DLGAP1: variants seen among roughly 807,000 people sequenced by gnomAD.
DLGAP1 encodes DLG associated protein 1.
A neutral mutation model predicts 90.8 loss-of-function variants in DLGAP1; 11 were observed. The observed-to-expected ratio is 0.12, with a 90% CI of 0.08 to 0.20. The LOEUF is 0.20. Ranked by LOEUF, DLGAP1 falls within the 10% of genes least tolerant of loss-of-function variation. The pLI, the probability that DLGAP1 is intolerant of heterozygous loss-of-function variation, is 1.00. For missense variants in DLGAP1, 1,050 were observed against 1,333.8 expected (o/e 0.79, Z 3.31); for synonymous variants, 558 against 540.7 (o/e 1.03, Z -0.44).
At chr18:4,034,910 T>C (rs367773794) in intron 2 of DLGAP1, among the ~76,000 whole-genome samples, 15 of 145,752 alleles carry the variant, frequency 1.0e-4, no homozygotes, top group African/African-American at 2.0e-4. Flanking sequence ...TTACCACCAT[T>C]TGAAAAAAAA....
At chr18:4,203,322 T>C (rs61015913) in intron 1 of DLGAP1, among the ~76,000 whole-genome samples, 7,266 of 151,592 alleles carry the variant, frequency 0.048, 459 homozygotes, top group African/African-American at 0.15. Context: ...AGCATAAATA[T>C]AGTATAAAAT....
intron 7 of DLGAP1, among the ~76,000 whole-genome samples, chr18:3,583,180 A>ACCTTCCTTCCTT (rs1447719277): frequency 2.0e-4 from 26 of 132,902 alleles, no homozygotes; most frequent in African/African-American, 7.8e-4. Flanking sequence ...CTACCTACCT[A>ACCTTCCTTCCTT]CCTACCTTCC....
rs371401170 is a variant in DLGAP1, at chr18:3,719,038, T to C, written c.1591+10097A>G. Reference sequence around the variant, plus strand: ...TTTCCTTCTCTAAAAGTTTCTAAATTATATTTGACATTTGAAGCAGAAAGT... The same window carrying C: ...TTTCCTTCTCTAAAAGTTTCTAAATCATATTTGACATTTGAAGCAGAAAGT... On this transcript the variant is annotated intron_variant, in intron 7 of 12. Transcript: ENST00000315677. Among the ~76,000 whole-genome samples, 5 of 152,180 alleles carry C rather than the reference T, an allele frequency of 3.3e-5. No homozygotes were observed. The South Asian group carries it at 6.2e-4, about 19-fold the overall frequency.
Position 3,906,832 on chromosome 18 carries a change from T to C in DLGAP1, c.-72-26692A>G, listed in dbSNP as rs534047947. On this transcript the variant is annotated intron_variant, in intron 3 of 12. Coordinates refer to ENST00000315677, the MANE Select transcript of DLGAP1 (RefSeq NM_004746.4). ...TATAGATAACACACCATGAGTGTGG[T>C]TTACGCAAGAAAGAGAACTTGGAAC... 2.0e-5 allele frequency among the ~76,000 whole-genome samples: 3 copies of C among 152,312 alleles called. No homozygotes were observed. In the South Asian group the frequency reaches 6.2e-4, roughly 32 times the overall value.
At chr18:3,772,296 TCTTTCTTTCTCTCCTTCCTTC>T (rs2064633356) in intron 5 of DLGAP1, among the ~76,000 whole-genome samples, 1 of 139,116 alleles carries the variant, frequency 7.2e-6, no homozygotes, top group Admixed American at 6.8e-5. Context: ...TTTCTCCTTT[TCTTTCTTTCTCTCCTTCCTTC>T]CTTCCTTTCT....
intron 2 of DLGAP1, among the ~76,000 whole-genome samples, chr18:4,006,909 AAGTGCTGGG>A (rs2074313403): frequency 6.6e-6 from 1 of 152,030 alleles, no homozygotes; most frequent in Admixed American, 6.5e-5. Flanking sequence ...CGGCCTACTA[AAGTGCTGGG>A]ATTACAGGTG....
At chr18:4,185,366 C>T (rs2077274934) in intron 1 of DLGAP1, among the ~76,000 whole-genome samples, 3 of 151,824 alleles carry the variant, frequency 2.0e-5, no homozygotes, top group South Asian at 2.1e-4. Context: ...TATTTCACCA[C>T]CCAGGTACCC....
intron 12 of DLGAP1, among the ~76,000 whole-genome samples, chr18:3,500,337 G>A (rs2049864985): frequency 6.6e-6 from 1 of 152,184 alleles, no homozygotes; most frequent in South Asian, 2.1e-4. Context: ...GAAGGTTGAA[G>A]TTGTAGACTG....
At chr18:4,050,421 T>C (rs2075117163) in intron 2 of DLGAP1, among the ~76,000 whole-genome samples, 1 of 152,238 alleles carries the variant, frequency 6.6e-6, no homozygotes, top group South Asian at 2.1e-4. Flanking sequence ...CTGTGAGGTA[T>C]ATGCAGGATA....
At chr18:3,788,231 AG>A (rs2065552877) in intron 5 of DLGAP1, among the ~76,000 whole-genome samples, 1 of 152,246 alleles carries the variant, frequency 6.6e-6, no homozygotes, top group Admixed American at 6.5e-5. Context: ...ATAATTCCTC[AG>A]TTTCCTTCCA....
intron 5 of DLGAP1, among the ~76,000 whole-genome samples, chr18:3,778,817 T>G (rs538617942): frequency 2.6e-5 from 4 of 152,166 alleles, no homozygotes; most frequent in Non-Finnish European, 5.9e-5. Flanking sequence ...GCAGAGGGGA[T>G]GAGGACCTGA....
intron 1 of DLGAP1, among the ~76,000 whole-genome samples, chr18:4,243,376 CACAGTCTGAGG>C (rs1346557445): frequency 1.1e-4 from 13 of 118,464 alleles, no homozygotes; most frequent in Admixed American, 7.8e-4. Flanking sequence ...CACGGATGGG[CACAGTCTGAGG>C]ACAGCCTTGT....
chr18:3,909,572 A>C (rs1021019510), intron 3 of DLGAP1, among the ~76,000 whole-genome samples: 1 of 152,188 alleles, frequency 6.6e-6, no homozygotes, highest in African/African-American at 2.4e-5. Context: ...GATGATAATT[A>C]CTTTTATTTC....
rs1254269582 is a variant in DLGAP1, at chr18:4,074,639, C to T, written c.-158-69438G>A. ...ACCCAGGTCCAATGAGTTTTTGTTGCTGTTTTTGTTGTTGTTAACATTTTA... is the reference window on the plus strand; with the variant it reads ...ACCCAGGTCCAATGAGTTTTTGTTGTTGTTTTTGTTGTTGTTAACATTTTA... On this transcript the variant is annotated intron_variant, in intron 2 of 12. Transcript: ENST00000315677. 2.7e-5 allele frequency among the ~76,000 whole-genome samples: 4 copies of T among 150,870 alleles called. No individual in the cohort carries two copies. In the East Asian group the frequency reaches 8.0e-4, roughly 30 times the overall value.
At chr18:3,550,018 A>G (rs941243376) in intron 9 of DLGAP1, among the ~76,000 whole-genome samples, 2 of 151,990 alleles carry the variant, frequency 1.3e-5, no homozygotes. Flanking sequence ...GGTTCAAGCG[A>G]TTTTCCTGCC....
intron 5 of DLGAP1, among the ~76,000 whole-genome samples, chr18:3,749,338 G>C (rs2063405726): frequency 6.6e-6 from 1 of 151,732 alleles, no homozygotes; most frequent in African/African-American, 2.4e-5. Context: ...TTCTAGTAGA[G>C]AGGGGGGTTT....
chr18:4,072,323 T>C (rs1035093911), intron 2 of DLGAP1, among the ~76,000 whole-genome samples: 4 of 152,012 alleles, frequency 2.6e-5, no homozygotes, highest in African/African-American at 7.2e-5. Context: ...TAGATTGAGA[T>C]TGGCTTCTCT....
intron 4 of DLGAP1, among the ~76,000 whole-genome samples, chr18:3,829,358 T>A (rs895229771): frequency 2.6e-5 from 4 of 150,962 alleles, no homozygotes; most frequent in Non-Finnish European, 5.9e-5. Flanking sequence ...AGTTCCCACA[T>A]GGTGCAAACC....
intron 4 of DLGAP1, among the ~76,000 whole-genome samples, chr18:3,873,447 A>C (rs3910707): frequency 0.36 from 55,466 of 152,070 alleles, 11,300 homozygotes; most frequent in South Asian, 0.53. Context: ...TCATCAATGA[A>C]TGTGGTGGAT....
Sources: gnomAD v4.1 joint callset for allele counts (sites outside exome capture counted in the v4.1 genomes callset) on GRCh38, gnomAD v4.1.1 for gene constraint, MANE v1.5 for transcripts, NCBI Gene and HGNC (gene_info 2026-07-23, HGNC 2026-07-21) for gene names.